RAPGEF2: variants seen among roughly 807,000 people sequenced by gnomAD.
RAPGEF2 encodes the protein PDZ domain containing guanine nucleotide exchange factor (GEF) 1.
In RAPGEF2, 54 loss-of-function variants were observed where a neutral mutation model predicts 186.7. The observed-to-expected ratio is 0.29, with a 90% CI of 0.23 to 0.36. RAPGEF2 has a LOEUF of 0.36. Ranked by LOEUF, RAPGEF2 falls within the 10% of genes least tolerant of loss-of-function variation. RAPGEF2 has a pLI of 1.00. For missense variants in RAPGEF2, 1,532 were observed against 2,045.0 expected, an observed-to-expected ratio of 0.75 and a Z score of 4.84; for synonymous variants, 712 against 705.9, an observed-to-expected ratio of 1.01 and a Z score of -0.14.
rs139520008 is a variant in RAPGEF2 at position 159,168,028 on chromosome 4, T to C, written c.70-18614T>C. On this transcript the variant is annotated intron_variant, in intron 1 of 29. Coordinates refer to ENST00000691494, the MANE Select transcript of RAPGEF2 (RefSeq NM_001394067.2). ...CTCATATGTGTAAATATGTATGATC[T>C]TGAAATTTTGTCATGTTGTCCAGTG... Among the ~76,000 whole-genome samples, 1,206 of 152,368 alleles carry C rather than the reference T, an allele frequency of 7.9e-3. 17 individuals carry two copies. Among genetic ancestry groups the C allele is most frequent in the African/African-American group, 0.027 (1,119 of 41,590 alleles).
intron 7 of RAPGEF2, among the ~76,000 whole-genome samples, chr4:159,279,653 CTT>C (rs1229120918): frequency 1.3e-5 from 2 of 151,990 alleles, no homozygotes; most frequent in South Asian, 2.1e-4. Flanking sequence ...CTCTTTAACT[CTT>C]TATATCCACA....
intron 1 of RAPGEF2, among the ~76,000 whole-genome samples, chr4:159,147,272 A>G (rs1474086348): frequency 6.6e-6 from 1 of 152,272 alleles, no homozygotes; most frequent in East Asian, 1.9e-4. Flanking sequence ...AATATAATGA[A>G]TAAAGGGACA....
At chr4:159,329,813 TTGCAA>T in intron 11 of RAPGEF2, 40 bp from the exon 12 acceptor site, 1 of 1,553,304 alleles carries the variant, frequency 6.4e-7, no homozygotes, top group Non-Finnish European at 8.8e-7. Flanking sequence ...GCTAGGTCTT[TTGCAA>T]GCACTTTATC....
At chr4:159,287,598 A>G (rs975165862) in intron 7 of RAPGEF2, among the ~76,000 whole-genome samples, 3 of 152,176 alleles carry the variant, frequency 2.0e-5, no homozygotes, top group Admixed American at 6.5e-5. Flanking sequence ...TAATGTATGT[A>G]TATCATGGAA....
chr4:159,148,630 T>A (rs1251418828), intron 1 of RAPGEF2, among the ~76,000 whole-genome samples: 3 of 149,078 alleles, frequency 2.0e-5, no homozygotes, highest in Non-Finnish European at 4.4e-5. Context: ...TTCACTGTGT[T>A]TTTTTTCATG....
chr4:159,215,686 G>A (rs1326006552), intron 4 of RAPGEF2, among the ~76,000 whole-genome samples: 1 of 152,174 alleles, frequency 6.6e-6, no homozygotes, highest in African/African-American at 2.4e-5. Flanking sequence ...TTATTGCTCT[G>A]ATAGTTTAAA....
chr4:159,314,500 A>G (rs1764313523), intron 8 of RAPGEF2, 91 bp from the exon 9 acceptor site: 3 of 1,152,958 alleles, frequency 2.6e-6, no homozygotes, highest in South Asian at 3.7e-5. Flanking sequence ...TATAACAAGC[A>G]TTATTTTGAA....
chr4:159,189,182 C>T (rs763117567), intron 2 of RAPGEF2, among the ~76,000 whole-genome samples: 1 of 152,166 alleles, frequency 6.6e-6, no homozygotes, highest in Non-Finnish European at 1.5e-5. Flanking sequence ...GAAATAAGTG[C>T]TCATAATCAA....
At chr4:159,206,221 C>T (rs1008913415) in intron 3 of RAPGEF2, among the ~76,000 whole-genome samples, 4 of 152,216 alleles carry the variant, frequency 2.6e-5, no homozygotes, top group Admixed American at 6.5e-5. Flanking sequence ...TGAGCCACCG[C>T]GCCCAGCCGC....
chr4:159,323,448 T>C lies in RAPGEF2; in HGVS notation c.991-11T>C. 2 of 1,580,532 alleles carry C rather than the reference T, an allele frequency of 1.3e-6. No homozygotes were observed. Among genetic ancestry groups the C allele is most frequent in the Non-Finnish European group, 1.7e-6 (2 of 1,163,482 alleles). On this transcript the variant is annotated splice_polypyrimidine_tract_variant and intron_variant, in intron 10 of 29. Coordinates refer to ENST00000691494, the MANE Select transcript of RAPGEF2 (RefSeq NM_001394067.2). ...GTTACTTTCTGCTTTGTCTTTATTT[T>C]TTTGGATTAGCTGGACTCCTGGTCA...
intron 7 of RAPGEF2, among the ~76,000 whole-genome samples, chr4:159,292,183 CTT>C (rs994056907): frequency 2.0e-5 from 3 of 152,172 alleles, no homozygotes; most frequent in Non-Finnish European, 4.4e-5. Context: ...AATCCAAACT[CTT>C]TACCATAGCT....
chr4:159,120,903 A>G (rs1739602587), intron 1 of RAPGEF2, among the ~76,000 whole-genome samples: 1 of 151,320 alleles, frequency 6.6e-6, no homozygotes, highest in Non-Finnish European at 1.5e-5. Context: ...TGCCCAGGCT[A>G]TAGTGCAGTG....
intron 7 of RAPGEF2, chr4:159,267,270 G>A (rs1022410816): frequency 1.0e-4 from 130 of 1,289,344 alleles, no homozygotes; most frequent in Middle Eastern, 2.1e-4. Context: ...CTTTCCTTGT[G>A]CGTTGCTATG....
intron 1 of RAPGEF2, among the ~76,000 whole-genome samples, chr4:159,139,362 C>CA (rs1476218006): frequency 1.3e-5 from 2 of 152,184 alleles, no homozygotes; most frequent in Non-Finnish European, 2.9e-5. Context: ...GTTGCTTCCC[C>CA]AGTAGCCTCT....
chr4:159,250,839 C>T (rs1310404585), intron 7 of RAPGEF2, among the ~76,000 whole-genome samples: 1 of 152,130 alleles, frequency 6.6e-6, no homozygotes, highest in African/African-American at 2.4e-5. Context: ...AGGAGCCCTT[C>T]AGACCGCCAC....
intron 7 of RAPGEF2, among the ~76,000 whole-genome samples, chr4:159,272,837 G>C (rs1349864307): frequency 6.6e-6 from 1 of 152,206 alleles, no homozygotes; most frequent in Admixed American, 6.5e-5. Context: ...TAGAATACCA[G>C]ATAAATTAAT....
At chr4:159,200,330 G>A (rs1749270916) in intron 3 of RAPGEF2, among the ~76,000 whole-genome samples, 1 of 152,002 alleles carries the variant, frequency 6.6e-6, no homozygotes, top group Non-Finnish European at 1.5e-5. Flanking sequence ...AGCCAGTGTG[G>A]TGGCGCACCT....
chr4:159,239,433 T>G (rs1476594502), intron 5 of RAPGEF2, among the ~76,000 whole-genome samples: 2 of 152,182 alleles, frequency 1.3e-5, no homozygotes, highest in Non-Finnish European at 2.9e-5. Flanking sequence ...CACAAGAAAA[T>G]CACTTGAATT....
intron 1 of RAPGEF2, among the ~76,000 whole-genome samples, chr4:159,104,532 G>T (rs867055358): frequency 8.4e-6 from 1 of 119,118 alleles, no homozygotes; most frequent in Non-Finnish European, 1.8e-5. Context: ...GAGAGGGAGA[G>T]ACAGAGAGAG....
Sources: gnomAD v4.1 joint callset for allele counts (sites outside exome capture counted in the v4.1 genomes callset) on GRCh38, gnomAD v4.1.1 for gene constraint, MANE v1.5 for transcripts, NCBI Gene and HGNC (gene_info 2026-07-23, HGNC 2026-07-21) for gene names.